Variants in DNAJC5 observed in about 807,000 individuals in gnomAD.
The protein encoded by DNAJC5 is dnaJ homolog subfamily C member 5.
A neutral mutation model predicts 23.2 loss-of-function variants in DNAJC5; 1 was observed. The observed-to-expected ratio is 0.04, with a 90% confidence interval of 0.02 to 0.20. The LOEUF (loss-of-function observed/expected upper bound fraction) is 0.20. Among genes scored for constraint, DNAJC5 ranks in the 10% least tolerant of loss-of-function variants. DNAJC5 has a pLI of 1.00. For synonymous variants in DNAJC5, 136 were observed against 120.0 expected (o/e 1.13, Z -0.87); for missense variants, 180 against 267.0 (o/e 0.67, Z 2.27).
At chr20:63,898,957 G>A (rs999148930) in intron 1 of DNAJC5, among the ~76,000 whole-genome samples, 2 of 152,156 alleles carry the variant, frequency 1.3e-5, no homozygotes, top group Non-Finnish European at 2.9e-5. Context: ...ACCGTCTTCT[G>A]TCAGACACAC....
At chr20:63,902,928 C>T (rs1476682385) in intron 1 of DNAJC5, among the ~76,000 whole-genome samples, 2 of 151,950 alleles carry the variant, frequency 1.3e-5, no homozygotes, top group Admixed American at 6.6e-5. Flanking sequence ...CTGCCCACCT[C>T]GGCCTCCCAA....
At position 63,933,492 on chromosome 20, in the gene DNAJC5, A is replaced by G. The variant is rs1568992307; in HGVS notation, c.*1924A>G. 6.6e-6 allele frequency: 1 copy of G among 152,324 alleles called. No individual in the cohort carries two copies. The highest frequency in any genetic ancestry group is 1.9e-4 in the East Asian group (1 of 5,340). 9.4% of individuals were successfully genotyped at this position (152,324 alleles called of 1,614,324 possible). A position where few individuals can be genotyped will look rare whatever the true frequency, so the allele number is the denominator to read the frequency against. ...AAAATGATCACGAAGACCTTTGACA[A>G]GAGGAGAGATATGCACTGTGATATT... On this transcript the variant is annotated 3_prime_UTR_variant, in exon 5 of 5. Transcript: ENST00000360864.
rs151265913 is a variant in DNAJC5, at chr20:63,929,357, G to T, written c.153G>T (p.Pro51=). 271 of 1,613,992 alleles carry T rather than the reference G, an allele frequency of 1.7e-4. No individual in the cohort carries two copies. Among genetic ancestry groups the T allele is most frequent in the Non-Finnish European group, 2.2e-4 (258 of 1,180,018 alleles). ...KYHPDKNPDN[P]EAADKFKEIN... ...ACCCCGACAAGAACCCCGACAACCC[G>T]GAGGCCGCGGACAAGTTTAAGGAGA... Residue 51 remains proline (P), a synonymous_variant, in exon 3 of 5, where the codon CCG becomes CCT. Coordinates refer to ENST00000360864, the MANE Select transcript of DNAJC5 (RefSeq NM_025219.3). This position sits in a 1 kb window ranked among gnomAD's most constrained non-coding sequence, Gnocchi z 8.6.
chr20:63,912,798 G>A (rs1476010935), intron 1 of DNAJC5, among the ~76,000 whole-genome samples: 1 of 152,030 alleles, frequency 6.6e-6, no homozygotes, highest in African/African-American at 2.4e-5. Flanking sequence ...TAGTTGAGAC[G>A]GGGTTTCACC....
chr20:63,911,264 A>G (rs1348550276), intron 1 of DNAJC5, among the ~76,000 whole-genome samples: 1 of 152,134 alleles, frequency 6.6e-6, no homozygotes, highest in African/African-American at 2.4e-5. Context: ...AGTTTCAGGA[A>G]ACCGTGGTTC....
rs1174097789 is a variant in DNAJC5 at position 63,927,983 on chromosome 20, C to T, written c.-11-352C>T. 8.6e-5 allele frequency among the ~76,000 whole-genome samples: 13 copies of T among 151,928 alleles called. No homozygotes were observed. In the East Asian group the frequency reaches 9.6e-4, roughly 11 times the overall value. On this transcript the variant is annotated intron_variant, in intron 1 of 4. Transcript: ENST00000360864. Reference sequence around the variant, plus strand: ...ATATTTGTTTTTAAGGAACAGGGTCCCTGTCTCCTGGGCTCCAGTGCAGTG... The same window carrying T: ...ATATTTGTTTTTAAGGAACAGGGTCTCTGTCTCCTGGGCTCCAGTGCAGTG...
At position 63,931,694 on chromosome 20, in the gene DNAJC5, C is replaced by T; in HGVS notation, c.*126C>T. 1 of 953,754 alleles carries T rather than the reference C, an allele frequency of 1.0e-6. No individual in the cohort carries two copies. The highest frequency in any genetic ancestry group is 2.0e-5 in the Admixed American group (1 of 50,232). The allele number at this position is 953,754 out of a possible 1,614,324, so 59.1% of individuals were successfully genotyped here. On this transcript the variant is annotated 3_prime_UTR_variant, in exon 5 of 5. Coordinates refer to ENST00000360864, the MANE Select transcript of DNAJC5 (RefSeq NM_025219.3). This position sits in a 1 kb window ranked among gnomAD's most constrained non-coding sequence, Gnocchi z 9.6. ...TGCCCTGGCCTTGCTGGGGCCCCTC[C>T]TGCCTCCACGCCCACCCAGCGTCGA...
In DNAJC5 at chr20:63,928,500, G is replaced by C. The variant is rs2053634425; in HGVS notation, c.107+48G>C. 1 of 1,489,402 alleles carries C rather than the reference G, an allele frequency of 6.7e-7. No homozygotes were observed. Among genetic ancestry groups the C allele is most frequent in the Non-Finnish European group, 9.4e-7 (1 of 1,067,422 alleles). 92.3% of individuals were successfully genotyped at this position (1,489,402 alleles called of 1,614,324 possible). On this transcript the variant is annotated intron_variant, in intron 2 of 4. Coordinates refer to ENST00000360864, the MANE Select transcript of DNAJC5 (RefSeq NM_025219.3). This position sits in a 1 kb window ranked among gnomAD's most constrained non-coding sequence, Gnocchi z 4.6. Reference sequence around the variant, plus strand: ...CACATCCCCCCAGGAAGACACACATGCCCCGTGTGGTTTAGTCTGCATTTT... The same window carrying C: ...CACATCCCCCCAGGAAGACACACATCCCCCGTGTGGTTTAGTCTGCATTTT...
chr20:63,930,975 A>C lies in DNAJC5; in HGVS notation c.446A>C (p.Tyr149Ser). ...CCTGAAGGCGAGGAGACGGAGTTCT[A>C]CGTGTCCCCCGAGGATCTGGAGGCA... Reference protein sequence around the residue: ...KAPEGEETEFYVSPEDLEAQL... With the variant: ...KAPEGEETEFSVSPEDLEAQL... The change falls in exon 4 of 5, where the codon TAC becomes TCC. Residue 149 changes from tyrosine (Y) to serine (S), a missense_variant. Around this residue, in one of 3 missense-constraint regions of DNAJC5, gnomAD observed 97 missense variants for 123.4 expected, o/e 0.79. Transcript: ENST00000360864. 6.2e-7 allele frequency: 1 copy of C among 1,614,104 alleles called. No homozygotes were observed. The highest frequency in any genetic ancestry group is 1.3e-5 in the African/African-American group (1 of 75,062).
rs962252588 is a variant in DNAJC5, at chr20:63,933,704, C to T, written c.*2136C>T. 3 of 152,328 alleles carry T rather than the reference C, an allele frequency of 2.0e-5. No individual in the cohort carries two copies. Among genetic ancestry groups the T allele is most frequent in the African/African-American group, 7.2e-5 (3 of 41,436 alleles). 9.4% of individuals were successfully genotyped at this position (152,328 alleles called of 1,614,324 possible). A position where few individuals can be genotyped will look rare whatever the true frequency, so the allele number is the denominator to read the frequency against. On this transcript the variant is annotated 3_prime_UTR_variant, in exon 5 of 5. Coordinates refer to ENST00000360864, the MANE Select transcript of DNAJC5 (RefSeq NM_025219.3). The stretch of plus-strand genomic sequence containing the variant: ...CAATTTTTGTAGATGTAGCTTAGGA[C>T]GTGAGTTATTTTTCCGCAGACTGGC...
intron 1 of DNAJC5, among the ~76,000 whole-genome samples, chr20:63,921,222 GT>G (rs2053569228): frequency 6.6e-6 from 1 of 152,128 alleles, no homozygotes; most frequent in Admixed American, 6.5e-5. Context: ...GCCTCCCAAA[GT>G]TTTGGGATTA....
Position 63,928,494 on chromosome 20 carries a change from A to G in DNAJC5, c.107+42A>G. ...GGCCCCCACATCCCCCCAGGAAGAC[A>G]CACATGCCCCGTGTGGTTTAGTCTG... On this transcript the variant is annotated intron_variant, in intron 2 of 4. Transcript: ENST00000360864. This position sits in a 1 kb window ranked among gnomAD's most constrained non-coding sequence, Gnocchi z 4.6. 1 of 1,519,674 alleles carries G rather than the reference A, an allele frequency of 6.6e-7. No individual in the cohort carries two copies. Among genetic ancestry groups the G allele is most frequent in the Non-Finnish European group, 9.1e-7 (1 of 1,094,438 alleles). 94.1% of individuals were successfully genotyped at this position (1,519,674 alleles called of 1,614,324 possible).
At chr20:63,905,305 G>A (rs2053440755) in intron 1 of DNAJC5, among the ~76,000 whole-genome samples, 1 of 151,492 alleles carries the variant, frequency 6.6e-6, no homozygotes, top group African/African-American at 2.4e-5. Flanking sequence ...TACTAGAGAT[G>A]GGGTTTCACC....
Position 63,931,496 on chromosome 20 carries a change from G to A in DNAJC5, c.525G>A (p.Pro175=), listed in dbSNP as rs373237152. Residue 175 remains proline (P), a synonymous_variant, in exon 5 of 5, where the codon CCG becomes CCA. Transcript: ENST00000360864. This position sits in a 1 kb window ranked among gnomAD's most constrained non-coding sequence, Gnocchi z 9.6. The part of the protein sequence containing the change: ...EATDTPIVIQ[P]ASATETTQLT... ...CAGACACGCCGATCGTCATACAGCC[G>A]GCATCCGCCACCGAGACCACCCAGC... 1.2e-5 allele frequency: 19 copies of A among 1,576,836 alleles called. No individual in the cohort carries two copies. The highest frequency in any genetic ancestry group is 2.3e-5 in the South Asian group (2 of 86,536).
intron 1 of DNAJC5, among the ~76,000 whole-genome samples, chr20:63,914,616 C>CT (rs753653056): frequency 0.12 from 14,789 of 127,740 alleles, 1,241 homozygotes; most frequent in African/African-American, 0.22. Context: ...CGTGCCCGGC[C>CT]TTTTTTTTTT....
intron 1 of DNAJC5, among the ~76,000 whole-genome samples, chr20:63,922,681 G>A (rs907053698): frequency 1.3e-5 from 2 of 151,766 alleles, no homozygotes; most frequent in Non-Finnish European, 2.9e-5. Context: ...GTGTTGGGAG[G>A]ATCACTTGAG....
At chr20:63,910,854 G>T (rs139548837) in intron 1 of DNAJC5, among the ~76,000 whole-genome samples, 1 of 151,926 alleles carries the variant, frequency 6.6e-6, no homozygotes, top group Non-Finnish European at 1.5e-5. Context: ...TGTATTTTTA[G>T]TAGAGACGGG....
rs560522335 is a variant in DNAJC5 at position 63,931,417 on chromosome 20, G to T, written c.494-48G>T. On this transcript the variant is annotated intron_variant, in intron 4 of 4. Transcript: ENST00000360864. This position sits in a 1 kb window ranked among gnomAD's most constrained non-coding sequence, Gnocchi z 9.6. ...GCTCCACAGGACCAGCGTTGGGTGC[G>T]CGCCAGGCTGTGGCCCTCGTGCAGT... is the stretch of plus-strand genomic sequence containing the variant. 11 of 1,507,164 alleles carry T rather than the reference G, an allele frequency of 7.3e-6. No individual in the cohort carries two copies. Among genetic ancestry groups the T allele is most frequent in the Non-Finnish European group, 9.8e-6 (11 of 1,120,816 alleles). 93.4% of individuals were successfully genotyped at this position (1,507,164 alleles called of 1,614,324 possible). A position where few individuals can be genotyped will look rare whatever the true frequency, so the allele number is the denominator to read the frequency against.
At position 63,932,818 on chromosome 20, in the gene DNAJC5, G is replaced by A. The variant is rs547616976; in HGVS notation, c.*1250G>A. ...CCTGGGAGGCCGGCAGCCAGGCCAC[G>A]GAATCCACACGTGGACCATTGTGGG... On this transcript the variant is annotated 3_prime_UTR_variant, in exon 5 of 5. Transcript: ENST00000360864. The surrounding 1 kb of genome is among the most constrained non-coding windows in gnomAD (Gnocchi z 4.4). The A allele has an allele frequency of 2.0e-5, 3 of 151,736 alleles. No individual in the cohort carries two copies. The highest frequency in any genetic ancestry group is 2.9e-5 in the Non-Finnish European group (2 of 67,948). 9.4% of individuals were successfully genotyped at this position (151,736 alleles called of 1,614,324 possible).
Sources: allele counts gnomAD v4.1 joint callset (sites outside exome capture counted in the v4.1 genomes callset), GRCh38; gene constraint gnomAD v4.1.1; regional missense constraint gnomAD v4.1.1; non-coding constraint Gnocchi (gnomAD v3.1); transcripts MANE v1.5; gene names NCBI Gene and HGNC (gene_info 2026-07-23, HGNC 2026-07-21).